CHCHD3: variants seen among roughly 807,000 people sequenced by gnomAD.
The protein encoded by CHCHD3 is coiled-coil-helix-coiled-coil-helix domain containing 3, also known as MICOS complex subunit MIC19.
Under a neutral mutation model 38.2 loss-of-function variants are expected in CHCHD3, and 20 were observed. The observed-to-expected ratio is 0.52, with a 90% CI of 0.37 to 0.76. The LOEUF is 0.76. CHCHD3 is among the 30% of genes least tolerant of loss of function. The pLI is 0.00. For synonymous variants in CHCHD3, 82 were observed against 100.0 expected (o/e 0.82, Z 1.07); for missense variants, 245 against 279.2 (o/e 0.88, Z 0.87).
intron 2 of CHCHD3, among the ~76,000 whole-genome samples, chr7:133,044,859 C>A (rs912751448): frequency 6.6e-6 from 1 of 152,326 alleles, no homozygotes; most frequent in African/African-American, 2.4e-5. Flanking sequence ...CCTCCCCAGG[C>A]GGGAGATGAG....
chr7:132,955,215 T>TGTGTGTGTGTG (rs1554393837), intron 4 of CHCHD3, among the ~76,000 whole-genome samples: 56 of 148,158 alleles, frequency 3.8e-4, no homozygotes, highest in East Asian at 1.2e-3. Flanking sequence ...TGTGTGTGTG[T>TGTGTGTGTGTG]TGCGGGGTGG....
At chr7:132,901,097 A>G (rs1200209175) in intron 4 of CHCHD3, among the ~76,000 whole-genome samples, 1 of 152,236 alleles carries the variant, frequency 6.6e-6, no homozygotes, top group Non-Finnish European at 1.5e-5. Context: ...GTCACTGGTA[A>G]TGAAAGTACA....
chr7:132,844,556 G>A (rs1283710356), intron 5 of CHCHD3, among the ~76,000 whole-genome samples: 1 of 152,300 alleles, frequency 6.6e-6, no homozygotes, highest in East Asian at 1.9e-4. Context: ...GCAGGTACAT[G>A]TGATTTAATT....
intron 1 of CHCHD3, among the ~76,000 whole-genome samples, chr7:133,075,598 G>T (rs1259561487): frequency 6.6e-6 from 1 of 152,214 alleles, no homozygotes; most frequent in East Asian, 1.9e-4. Flanking sequence ...GATCTCCTCT[G>T]TGAACAGGGG....
intron 6 of CHCHD3, among the ~76,000 whole-genome samples, chr7:132,821,178 T>C (rs1318966350): frequency 6.6e-6 from 1 of 152,140 alleles, no homozygotes; most frequent in East Asian, 1.9e-4. Flanking sequence ...AAACACAAAA[T>C]TCACCCAACA....
At chr7:132,834,016 A>G (rs1444003668) in intron 6 of CHCHD3, among the ~76,000 whole-genome samples, 1 of 152,180 alleles carries the variant, frequency 6.6e-6, no homozygotes, top group Non-Finnish European at 1.5e-5. Flanking sequence ...GTTGCCTAAG[A>G]GGAACTGTTG....
At chr7:132,797,235 G>T (rs768998630) in intron 6 of CHCHD3, among the ~76,000 whole-genome samples, 1 of 151,888 alleles carries the variant, frequency 6.6e-6, no homozygotes, top group Non-Finnish European at 1.5e-5. Flanking sequence ...CCAATTCAGG[G>T]TTTCGTTCTT....
At chr7:133,054,886 A>T (rs1814271715) in intron 2 of CHCHD3, among the ~76,000 whole-genome samples, 1 of 152,194 alleles carries the variant, frequency 6.6e-6, no homozygotes, top group Admixed American at 6.5e-5. Flanking sequence ...TCCATTGTCA[A>T]GTGTTTCTTG....
intron 5 of CHCHD3, among the ~76,000 whole-genome samples, chr7:132,867,396 T>C (rs1808660237): frequency 6.6e-6 from 1 of 152,162 alleles, no homozygotes; most frequent in Non-Finnish European, 1.5e-5. Context: ...TAAAGCTTTA[T>C]AAAAGTCCAA....
At chr7:132,858,439 A>G (rs1233967701) in intron 5 of CHCHD3, among the ~76,000 whole-genome samples, 1 of 152,170 alleles carries the variant, frequency 6.6e-6, no homozygotes, top group East Asian at 1.9e-4. Flanking sequence ...TTGACAAAAA[A>G]CAAAAGTAAT....
intron 5 of CHCHD3, among the ~76,000 whole-genome samples, chr7:132,839,826 G>A (rs960534613): frequency 1.3e-5 from 2 of 152,178 alleles, no homozygotes; most frequent in African/African-American, 4.8e-5. Context: ...TTGAGATGAT[G>A]AATGGCTTTC....
At chr7:133,018,674 CAGT>C (rs1813091574) in intron 3 of CHCHD3, among the ~76,000 whole-genome samples, 1 of 152,032 alleles carries the variant, frequency 6.6e-6, no homozygotes, top group Non-Finnish European at 1.5e-5. Flanking sequence ...AGTCTCTGGT[CAGT>C]AGCCAATTTC....
chr7:133,077,818 A>T (rs1815046470), intron 1 of CHCHD3, among the ~76,000 whole-genome samples: 1 of 152,220 alleles, frequency 6.6e-6, no homozygotes, highest in Non-Finnish European at 1.5e-5. Flanking sequence ...AGTTGGAATC[A>T]GGTGTAAAAA....
At chr7:132,958,357 A>C (rs1425384374) in intron 4 of CHCHD3, among the ~76,000 whole-genome samples, 2 of 152,174 alleles carry the variant, frequency 1.3e-5, no homozygotes, top group East Asian at 1.9e-4. Flanking sequence ...TTTAGCAATC[A>C]CAGAAAAGCA....
At chr7:132,953,627 T>C (rs1016792335) in intron 4 of CHCHD3, among the ~76,000 whole-genome samples, 1 of 152,184 alleles carries the variant, frequency 6.6e-6, no homozygotes, top group Non-Finnish European at 1.5e-5. Context: ...ACTTAGGACA[T>C]GTATGGTGAA....
rs562637869 is a variant in CHCHD3 at position 132,803,057 on chromosome 7, A to C, written c.525-6480T>G. 5.3e-5 allele frequency among the ~76,000 whole-genome samples: 8 copies of C among 152,322 alleles called. No homozygotes were observed. In the East Asian group the frequency reaches 1.5e-3, roughly 29 times the overall value. On this transcript the variant is annotated intron_variant, in intron 6 of 7. Coordinates refer to ENST00000262570, the MANE Select transcript of CHCHD3 (RefSeq NM_017812.4). ...AAAAACAAGCACTAGTGGGTTAACA[A>C]TGCAGTTTTCTAGCAGCAGTTATAT...
chr7:133,075,491 G>T (rs2117549587), intron 1 of CHCHD3, among the ~76,000 whole-genome samples: 1 of 152,240 alleles, frequency 6.6e-6, no homozygotes, highest in East Asian at 1.9e-4. Flanking sequence ...TAGATATGAG[G>T]TAATAGTTTT....
Position 133,035,743 on chromosome 7 carries a change from C to G in CHCHD3, c.170-11116G>C. 6.2e-7 allele frequency: 1 copy of G among 1,613,384 alleles called. No homozygotes were observed. Among genetic ancestry groups the G allele is most frequent in the Non-Finnish European group, 8.5e-7 (1 of 1,179,412 alleles). On this transcript the variant is annotated intron_variant, in intron 2 of 7. Coordinates refer to ENST00000262570, the MANE Select transcript of CHCHD3 (RefSeq NM_017812.4). This position sits in a 1 kb window ranked among gnomAD's most constrained non-coding sequence, Gnocchi z 4.7. ...CAGAATCCATCATCACCCTCAAATGCTGGGACCTTGCCGGCAGGAAATTTG... is the reference window on the plus strand; with the variant it reads ...CAGAATCCATCATCACCCTCAAATGGTGGGACCTTGCCGGCAGGAAATTTG...
intron 4 of CHCHD3, among the ~76,000 whole-genome samples, chr7:132,954,690 C>A (rs1811116570): frequency 1.3e-5 from 2 of 152,156 alleles, no homozygotes; most frequent in Non-Finnish European, 1.5e-5. Context: ...CAATTCCCAA[C>A]ATTCCACAAA....
Sources: gnomAD v4.1 joint callset for allele counts (sites outside exome capture counted in the v4.1 genomes callset) on GRCh38, gnomAD v4.1.1 for gene constraint, Gnocchi (gnomAD v3.1) non-coding constraint, MANE v1.5 for transcripts, NCBI Gene and HGNC (gene_info 2026-07-23, HGNC 2026-07-21) for gene names.